ZBTB41: variants seen among roughly 807,000 people sequenced by gnomAD.
ZBTB41 encodes the protein zinc finger and BTB domain-containing protein 41.
Under a neutral mutation model 87.6 loss-of-function variants are expected in ZBTB41, and 42 were observed. That is an observed-to-expected ratio of 0.48 (90% CI 0.37 to 0.62). The LOEUF (loss-of-function observed/expected upper bound fraction) is 0.62, where lower values mean the gene tolerates loss of function less well. Among genes scored for constraint, ZBTB41 ranks in the 20% least tolerant of loss-of-function variants. ZBTB41 has a pLI of 0.00. For synonymous variants in ZBTB41, 364 were observed against 364.0 expected (o/e 1.00, Z 0.00); for missense variants, 799 against 1,078.9 (o/e 0.74, Z 3.63).
In ZBTB41 at chr1:197,159,908, C is replaced by T. The variant is rs760002733; in HGVS notation, c.2181G>A (p.Gln727=). The T allele has an allele frequency of 6.2e-7, 1 of 1,613,850 alleles. No homozygotes were observed. Among genetic ancestry groups the T allele is most frequent in the Non-Finnish European group, 8.5e-7 (1 of 1,179,844 alleles). Residue 727 remains glutamine, a synonymous_variant, in exon 11 of 11, where the codon CAG becomes CAA. Coordinates refer to ENST00000367405, the MANE Select transcript of ZBTB41 (RefSeq NM_194314.3). ...TCCGCTTAAATGTTGCATTACAGTGCTGACAGTTGAAAGGTCGGGCATCAG... is the reference window on the plus strand; with the variant it reads ...TCCGCTTAAATGTTGCATTACAGTGTTGACAGTTGAAAGGTCGGGCATCAG... ...IHSDARPFNC[Q]HCNATFKRKD...
Position 197,172,096 on chromosome 1 carries a change from C to T in ZBTB41, c.2074+64G>A, listed in dbSNP as rs1330279148. The stretch of plus-strand genomic sequence containing the variant: ...AAGTTTAAATGCCTATATTTTACTT[C>T]TGATTACACTATATATATCTCTCTC... On this transcript the variant is annotated intron_variant, in intron 10 of 10. Coordinates refer to ENST00000367405, the MANE Select transcript of ZBTB41 (RefSeq NM_194314.3). 12 of 663,920 alleles carry T rather than the reference C, an allele frequency of 1.8e-5. No homozygotes were observed. The East Asian group carries it at 4.0e-4, about 22-fold the overall frequency. 41.1% of individuals were successfully genotyped at this position (663,920 alleles called of 1,614,324 possible).
chr1:197,197,731 G>C (rs866441630), intron 2 of ZBTB41, among the ~76,000 whole-genome samples: 1 of 152,144 alleles, frequency 6.6e-6, no homozygotes, highest in African/African-American at 2.4e-5. Context: ...AGTATCTTGC[G>C]GTAAAATGAT....
intron 7 of ZBTB41, 135 bp downstream of exon 7, chr1:197,178,282 G>T: frequency 4.2e-6 from 2 of 477,370 alleles, no homozygotes; most frequent in South Asian, 5.6e-5. Flanking sequence ...AATCTATGCA[G>T]TAAAGTTTTT....
At position 197,165,154 on chromosome 1, in the gene ZBTB41, T is replaced by C. The variant is rs1659305603; in HGVS notation, c.2075-5140A>G. On this transcript the variant is annotated intron_variant, in intron 10 of 10. Coordinates refer to ENST00000367405, the MANE Select transcript of ZBTB41 (RefSeq NM_194314.3). Reference sequence around the variant, plus strand: ...AATGGAATATCTTCTCTGACAAGAGTAGAATTACACTAGGTATCAGTAACA... The same window carrying C: ...AATGGAATATCTTCTCTGACAAGAGCAGAATTACACTAGGTATCAGTAACA... 2.0e-5 allele frequency among the ~76,000 whole-genome samples: 3 copies of C among 150,542 alleles called. No individual in the cohort carries two copies. In the South Asian group the frequency reaches 6.2e-4, roughly 31 times the overall value.
At chr1:197,166,746 C>T (rs1198111058) in intron 10 of ZBTB41, among the ~76,000 whole-genome samples, 2 of 151,704 alleles carry the variant, frequency 1.3e-5, no homozygotes, top group African/African-American at 4.8e-5. Flanking sequence ...ACTCAGGAGG[C>T]TGAAGCAGGA....
chr1:197,192,383 T>C (rs527906803), intron 2 of ZBTB41, among the ~76,000 whole-genome samples: 1 of 152,302 alleles, frequency 6.6e-6, no homozygotes, highest in African/African-American at 2.4e-5. Flanking sequence ...GTAACCTCTA[T>C]ATGCCTCAAA....
At chr1:197,185,592 CA>C (rs796880990) in intron 5 of ZBTB41, among the ~76,000 whole-genome samples, 55 of 138,500 alleles carry the variant, frequency 4.0e-4, no homozygotes, top group South Asian at 4.6e-4. Context: ...CATTTGTCAC[CA>C]AAAAAAAAAA....
chr1:197,160,934 A>G (rs529206822), intron 10 of ZBTB41, among the ~76,000 whole-genome samples: 6 of 152,270 alleles, frequency 3.9e-5, no homozygotes, highest in Non-Finnish European at 5.9e-5. Flanking sequence ...GTTAGCTTTG[A>G]AAATGGAAGG....
At chr1:197,174,673 A>C (rs972918004) in intron 9 of ZBTB41, among the ~76,000 whole-genome samples, 35 of 152,148 alleles carry the variant, frequency 2.3e-4, no homozygotes, top group African/African-American at 7.5e-4. Context: ...ACAAGTTTAA[A>C]TTCTGACTGC....
At chr1:197,164,499 G>C (rs1659269090) in intron 10 of ZBTB41, among the ~76,000 whole-genome samples, 2 of 150,660 alleles carry the variant, frequency 1.3e-5, no homozygotes, top group Admixed American at 1.3e-4. Flanking sequence ...AATACCAAAA[G>C]ATGCATATCA....
chr1:197,190,765 A>T lies in ZBTB41; in HGVS notation c.1395T>A (p.Cys465Ter). The change falls in exon 4 of 11, where the codon TGT becomes TGA. Residue 465 changes from cysteine to a stop codon, truncating the protein, a stop_gained. Transcript: ENST00000367405. LOFTEE classifies it high-confidence loss of function. Reference sequence around the variant, plus strand: ...TGTTTTAATTAAAAACTCTTACATCACATTTCCAACTTTCACTCTTAGTCT... The same window carrying T: ...TGTTTTAATTAAAAACTCTTACATCTCATTTCCAACTTTCACTCTTAGTCT... Reference protein sequence around the residue: ...IKKTKSESWKCDICKKSFTRR... With the variant: ...IKKTKSESWK 6.3e-7 allele frequency: 1 copy of T among 1,582,464 alleles called. No homozygotes were observed. The highest frequency in any genetic ancestry group is 8.6e-7 in the Non-Finnish European group (1 of 1,159,706).
At chr1:197,179,659 T>C (rs184299485) in intron 6 of ZBTB41, among the ~76,000 whole-genome samples, 1 of 152,168 alleles carries the variant, frequency 6.6e-6, no homozygotes, top group East Asian at 1.9e-4. Context: ...TGGGACAAGA[T>C]GTGCAGGTGG....
rs180772484 is a variant in ZBTB41 at position 197,155,443 on chromosome 1, G to A, written c.*3916C>T. 11 of 152,112 alleles carry A rather than the reference G, an allele frequency of 7.2e-5. No individual in the cohort carries two copies. Among genetic ancestry groups the A allele is most frequent in the East Asian group, 1.9e-4 (1 of 5,170 alleles). 9.4% of individuals were successfully genotyped at this position (152,112 alleles called of 1,614,324 possible). A position where few individuals can be genotyped will look rare whatever the true frequency, so the allele number is the denominator to read the frequency against. On this transcript the variant is annotated 3_prime_UTR_variant, in exon 11 of 11. Coordinates refer to ENST00000367405, the MANE Select transcript of ZBTB41 (RefSeq NM_194314.3). ...CAACTCTAAGCAACTACAACACATC[G>A]AAAAGGCACAAAGCATTCAATGCAG...
At chr1:197,191,652 G>A (rs1395995700) in intron 3 of ZBTB41, 40 bp downstream of exon 3, 1 of 1,494,042 alleles carries the variant, frequency 6.7e-7, no homozygotes, top group Non-Finnish European at 9.0e-7. Flanking sequence ...TAAATTAAAA[G>A]GCACAATAAA....
intron 2 of ZBTB41, among the ~76,000 whole-genome samples, chr1:197,194,493 A>C (rs1230969300): frequency 6.6e-6 from 1 of 152,144 alleles, no homozygotes; most frequent in Non-Finnish European, 1.5e-5. Flanking sequence ...CATGCAAATA[A>C]AAATTAAGTT....
At chr1:197,166,418 A>G (rs552669628) in intron 10 of ZBTB41, among the ~76,000 whole-genome samples, 3 of 152,272 alleles carry the variant, frequency 2.0e-5, no homozygotes, top group Admixed American at 2.0e-4. Context: ...GATCAATAAC[A>G]AAATACCCCA....
At position 197,199,816 on chromosome 1, in the gene ZBTB41, T is replaced by C. The variant is rs761899371; in HGVS notation, c.658A>G (p.Lys220Glu). 8 of 1,610,704 alleles carry C rather than the reference T, an allele frequency of 5.0e-6. No homozygotes were observed. The Admixed American group carries it at 1.3e-4, about 27-fold the overall frequency. ...KFCSRHFCYK[K>E]SLENHLAKTH... Reference sequence around the variant, plus strand: ...TTAGCCAAATGATTCTCTAAAGACTTTTTATAACAAAAATGTCTACTACAG... The same window carrying C: ...TTAGCCAAATGATTCTCTAAAGACTCTTTATAACAAAAATGTCTACTACAG... The change falls in exon 2 of 11, where the codon AAG becomes GAG. Residue 220 changes from lysine to glutamate, a missense_variant. Coordinates refer to ENST00000367405, the MANE Select transcript of ZBTB41 (RefSeq NM_194314.3).
rs375192184 is a variant in ZBTB41, at chr1:197,166,783, G to A, written c.2074+5377C>T. On this transcript the variant is annotated intron_variant, in intron 10 of 10. Coordinates refer to ENST00000367405, the MANE Select transcript of ZBTB41 (RefSeq NM_194314.3). ...AATCGCTTGAACCCAGGAGGTGGAG[G>A]TTGCGGTGAGCCAAGATCGTGCTAT... Among the ~76,000 whole-genome samples, 5 of 152,130 alleles carry A rather than the reference G, an allele frequency of 3.3e-5. No individual in the cohort carries two copies. In the East Asian group the frequency reaches 7.7e-4, roughly 23 times the overall value.
At chr1:197,188,863 A>G (rs1468498546) in intron 4 of ZBTB41, among the ~76,000 whole-genome samples, 1 of 152,230 alleles carries the variant, frequency 6.6e-6, no homozygotes, top group East Asian at 1.9e-4. Context: ...TGGTCAGTCT[A>G]AAAATTTGAC....
Sources: allele counts gnomAD v4.1 joint callset (sites outside exome capture counted in the v4.1 genomes callset), GRCh38; gene constraint gnomAD v4.1.1; transcripts MANE v1.5; gene names NCBI Gene and HGNC (gene_info 2026-07-23, HGNC 2026-07-21).